The following NPBWR2 variants were observed in gnomAD, a reference collection of about 807,000 sequenced individuals.
NPBWR2 encodes the protein neuropeptides B/W receptor type 2.
For missense variants in NPBWR2, 390 were observed against 458.2 expected, an observed-to-expected ratio of 0.85 and a Z score of 1.36; for synonymous variants, 207 against 223.5, an observed-to-expected ratio of 0.93 and a Z score of 0.66.
chr20:64,106,925 A>C lies in NPBWR2; in HGVS notation c.-91-3T>G. The C allele has an allele frequency of 6.9e-7, 1 of 1,450,650 alleles. No homozygotes were observed. Among genetic ancestry groups the C allele is most frequent in the South Asian group, 1.3e-5 (1 of 74,782 alleles). 89.9% of individuals were successfully genotyped at this position (1,450,650 alleles called of 1,614,324 possible). A position where few individuals can be genotyped will look rare whatever the true frequency, so the allele number is the denominator to read the frequency against. ...TGGGGGCCTCCTTGGGCTGGATTCT[A>C]GGAAAGAAAAACAACCAGAGACTTT... On this transcript the variant is annotated splice_polypyrimidine_tract_variant and splice_region_variant and intron_variant, in intron 1 of 1. Coordinates refer to ENST00000684052, the MANE Select transcript of NPBWR2 (RefSeq NM_005286.4). The surrounding 1 kb of genome is among the most constrained non-coding windows in gnomAD (Gnocchi z 9.5).
In NPBWR2 at chr20:64,106,178, G is replaced by T; in HGVS notation, c.654C>A (p.Val218=). 6.2e-7 allele frequency: 1 copy of T among 1,612,620 alleles called. No homozygotes were observed. Among genetic ancestry groups the T allele is most frequent in the East Asian group, 2.2e-5 (1 of 44,882 alleles). ...WFKASRVYTL[V]LGFVLPVCTI... ...TGCACACGGGCAGCACGAAGCCCAG[G>T]ACCAACGTGTAGACACGGCTGGCCT... Residue 218 remains valine, a synonymous_variant, in exon 2 of 2, where the codon GTC becomes GTA. Transcript: ENST00000684052. The surrounding 1 kb of genome is among the most constrained non-coding windows in gnomAD (Gnocchi z 9.5).
At position 64,104,265 on chromosome 20, in the gene NPBWR2, A is replaced by G. The variant is rs1321748381; in HGVS notation, c.*1565T>C. 6.6e-6 allele frequency among the ~76,000 whole-genome samples: 1 copy of G among 152,154 alleles called. No homozygotes were observed. Among genetic ancestry groups the G allele is most frequent in the East Asian group, 1.9e-4 (1 of 5,198 alleles). On this transcript the variant is annotated 3_prime_UTR_variant, in exon 2 of 2. Transcript: ENST00000684052. ...TACCACCCCTCACCCTGCCCCCACC[A>G]GAGTTTCAGCATGCAGCTCCTGCTG...
In NPBWR2 at chr20:64,104,949, C is replaced by A. The variant is rs1197287835; in HGVS notation, c.*881G>T. Among the ~76,000 whole-genome samples, 1 of 151,816 alleles carries A rather than the reference C, an allele frequency of 6.6e-6. No individual in the cohort carries two copies. Among genetic ancestry groups the A allele is most frequent in the Non-Finnish European group, 1.5e-5 (1 of 67,886 alleles). ...TACAGGCCATGGCAAGGACCGTCGG[C>A]CACAGCAGGGGGAACACAGCAGCAC... is the stretch of plus-strand genomic sequence containing the variant. On this transcript the variant is annotated 3_prime_UTR_variant, in exon 2 of 2. Transcript: ENST00000684052.
Position 64,105,850 on chromosome 20 carries a change from G to A in NPBWR2, c.982C>T (p.Arg328Cys), listed in dbSNP as rs371922929. Reference sequence around the variant, plus strand: ...GCCCTTCAGCACCGCAATATGCTGCGGAAGTTCTTCCGGAAGTTGTCATCT... The same window carrying A: ...GCCCTTCAGCACCGCAATATGCTGCAGAAGTTCTTCCGGAAGTTGTCATCT... ...FLDDNFRKNFRSILRC is the reference protein window; with the variant it reads ...FLDDNFRKNFCSILRC Residue 328 changes from arginine to cysteine, a missense_variant, in exon 2 of 2, where the codon CGC (arginine) becomes TGC (cysteine). By Grantham distance (180) the Arg-to-Cys change is radical. Transcript: ENST00000684052. 3.6e-5 allele frequency: 57 copies of A among 1,605,626 alleles called. 1 individual carries two copies. The African/African-American group carries it at 3.6e-4, about 10-fold the overall frequency.
At position 64,106,763 on chromosome 20, in the gene NPBWR2, G is replaced by T. The variant is rs1467817520; in HGVS notation, c.69C>A (p.Ala23=). 1 of 1,612,740 alleles carries T rather than the reference G, an allele frequency of 6.2e-7. No homozygotes were observed. The change falls in exon 2 of 2, where the codon GCC becomes GCA. Residue 23 remains alanine, a synonymous_variant. Transcript: ENST00000684052. The surrounding 1 kb of genome is among the most constrained non-coding windows in gnomAD (Gnocchi z 9.5). Reference sequence around the variant, plus strand: ...CAGTGCCATTGTCCTGAGAGACGTTGGCACCCATCGTGGGGAGGGAGAAGG... The same window carrying T: ...CAGTGCCATTGTCCTGAGAGACGTTTGCACCCATCGTGGGGAGGGAGAAGG... The part of the protein sequence containing the change: ...RGSFSLPTMG[A]NVSQDNGTGH...
At position 64,107,524 on chromosome 20, in the gene NPBWR2, C is replaced by G. The variant is rs1980095839; in HGVS notation, c.-252G>C. Among the ~76,000 whole-genome samples the G allele has an allele frequency of 6.6e-6, 1 of 152,220 alleles. No individual in the cohort carries two copies. The highest frequency in any genetic ancestry group is 1.5e-5 in the Non-Finnish European group (1 of 68,032). ...AGACCTGCCCTGCTGGCTGCCTCAGCCCCGGCTGCGAGGTTCCCAGCCTGG... is the reference window on the plus strand; with the variant it reads ...AGACCTGCCCTGCTGGCTGCCTCAGGCCCGGCTGCGAGGTTCCCAGCCTGG... On this transcript the variant is annotated 5_prime_UTR_variant, in exon 1 of 2. Coordinates refer to ENST00000684052, the MANE Select transcript of NPBWR2 (RefSeq NM_005286.4). This position sits in a 1 kb window ranked among gnomAD's most constrained non-coding sequence, Gnocchi z 6.3.
chr20:64,106,730 A>T lies in NPBWR2; in HGVS notation c.102T>A (p.Asn34Lys). The change falls in exon 2 of 2, where the codon AAT (asparagine) becomes AAA (lysine). Residue 34 changes from asparagine to lysine, a missense_variant. By Grantham distance (94) the Asn-to-Lys change is moderately conservative. Transcript: ENST00000684052. The surrounding 1 kb of genome is among the most constrained non-coding windows in gnomAD (Gnocchi z 9.5). ...ACGGCAGTGGCTCGGAGAAGGTGGC[A>T]TTGTGGCCAGTGCCATTGTCCTGAG... ...NVSQDNGTGH[N>K]ATFSEPLPFL... is the part of the protein sequence containing the mutation. The T allele has an allele frequency of 6.2e-7, 1 of 1,612,668 alleles. No individual in the cohort carries two copies. The highest frequency in any genetic ancestry group is 1.1e-5 in the South Asian group (1 of 91,084).
At position 64,105,689 on chromosome 20, in the gene NPBWR2, GGTGGT is replaced by G. The variant is rs1979977873; in HGVS notation, c.*136_*140del. On this transcript the variant is annotated 3_prime_UTR_variant, in exon 2 of 2. Coordinates refer to ENST00000684052, the MANE Select transcript of NPBWR2 (RefSeq NM_005286.4). ...TGATGATGGGCGTGATGATGGGGGT[GGTGGT>G]GGGGGTGATGGTGGGGGTGGTGGTG... 8.0e-6 allele frequency: 3 copies of G among 374,492 alleles called. No homozygotes were observed. The highest frequency in any genetic ancestry group is 8.8e-5 in the African/African-American group (2 of 22,774). 23.2% of individuals were successfully genotyped at this position (374,492 alleles called of 1,614,324 possible).
At position 64,106,006 on chromosome 20, in the gene NPBWR2, A is replaced by G. The variant is rs1413360861; in HGVS notation, c.826T>C (p.Phe276Leu). The change falls in exon 2 of 2, where the codon TTC (phenylalanine) becomes CTC (leucine). Residue 276 changes from phenylalanine (F) to leucine (L), a missense_variant. Transcript: ENST00000684052. The surrounding 1 kb of genome is among the most constrained non-coding windows in gnomAD (Gnocchi z 9.5). ...LAVCLLCWTP[F>L]HLASVVALTT... The stretch of plus-strand genomic sequence containing the variant: ...AGGGCCACGACAGAGGCCAGGTGGA[A>G]GGGCGTCCAGCAGAGGAGGCACACG... The G allele has an allele frequency of 1.2e-6, 2 of 1,612,090 alleles. No homozygotes were observed. Among genetic ancestry groups the G allele is most frequent in the East Asian group, 2.2e-5 (1 of 44,892 alleles).
In NPBWR2 at chr20:64,104,167, A is replaced by G. The variant is rs538938785; in HGVS notation, c.*1663T>C. On this transcript the variant is annotated 3_prime_UTR_variant, in exon 2 of 2. Transcript: ENST00000684052. The stretch of plus-strand genomic sequence containing the variant: ...TGGGGCCAAGAGTCGGGGCCTGGCC[A>G]CAGCACACCTGGGACCAACCCCTGG... Among the ~76,000 whole-genome samples, 160 of 152,324 alleles carry G rather than the reference A, an allele frequency of 1.1e-3. No individual in the cohort carries two copies. The highest frequency in any genetic ancestry group is 3.7e-3 in the African/African-American group (152 of 41,566).
rs1979989331 is a variant in NPBWR2, at chr20:64,105,731, G to T, written c.*99C>A. On this transcript the variant is annotated 3_prime_UTR_variant, in exon 2 of 2. Coordinates refer to ENST00000684052, the MANE Select transcript of NPBWR2 (RefSeq NM_005286.4). ...TGGGGGTGGTGGTGGGGGTGGGGGG[G>T]GGTGGGCCTGATGGGGGTGTGGGCA... 3 of 755,908 alleles carry T rather than the reference G, an allele frequency of 4.0e-6. No individual in the cohort carries two copies. Among genetic ancestry groups the T allele is most frequent in the Non-Finnish European group, 5.8e-6 (3 of 514,426 alleles). 46.8% of individuals were successfully genotyped at this position (755,908 alleles called of 1,614,324 possible). A position where few individuals can be genotyped will look rare whatever the true frequency, so the allele number is the denominator to read the frequency against.
At position 64,105,212 on chromosome 20, in the gene NPBWR2, A is replaced by G. The variant is rs1445112267; in HGVS notation, c.*618T>C. Among the ~76,000 whole-genome samples, 1 of 151,564 alleles carries G rather than the reference A, an allele frequency of 6.6e-6. No individual in the cohort carries two copies. Among genetic ancestry groups the G allele is most frequent in the Non-Finnish European group, 1.5e-5 (1 of 67,892 alleles). On this transcript the variant is annotated 3_prime_UTR_variant, in exon 2 of 2. Transcript: ENST00000684052. ...GTTCAGGTTCCCTCCCCTCCCGACC[A>G]CTGTCATTAGGGATCCTGAGTCCCA...
rs1446150513 is a variant in NPBWR2, at chr20:64,105,418, G to A, written c.*412C>T. On this transcript the variant is annotated 3_prime_UTR_variant, in exon 2 of 2. Transcript: ENST00000684052. ...GCTGTCTGTAGGTCTGGTGGCCAGC[G>A]TGTGAGGGTCTGTGTCTCCTTGCGT... 7.0e-6 allele frequency among the ~76,000 whole-genome samples: 1 copy of A among 143,352 alleles called. No homozygotes were observed. The allele number at this position is 143,352 out of a possible 152,430, so 94.0% of individuals were successfully genotyped here.
Position 64,105,675 on chromosome 20 carries a change from G to C in NPBWR2, c.*155C>G. The C allele has an allele frequency of 3.7e-6, 1 of 270,916 alleles. No homozygotes were observed. The highest frequency in any genetic ancestry group is 6.1e-6 in the Non-Finnish European group (1 of 164,590). 16.8% of individuals were successfully genotyped at this position (270,916 alleles called of 1,614,324 possible). On this transcript the variant is annotated 3_prime_UTR_variant, in exon 2 of 2. Transcript: ENST00000684052. ...GATGGGGGTGGGCATGATGATGGGC[G>C]TGATGATGGGGGTGGTGGTGGGGGT...
rs1333654395 is a variant in NPBWR2, at chr20:64,106,290, A to C, written c.542T>G (p.Phe181Cys). 1.2e-6 allele frequency: 2 copies of C among 1,612,770 alleles called. No individual in the cohort carries two copies. The highest frequency in any genetic ancestry group is 4.5e-5 in the East Asian group (2 of 44,882). Residue 181 changes from phenylalanine (F) to cysteine (C), a missense_variant, in exon 2 of 2, where the codon TTC becomes TGC. Physicochemically the swap from Phe to Cys is radical, Grantham distance 205. Transcript: ENST00000684052. The surrounding 1 kb of genome is among the most constrained non-coding windows in gnomAD (Gnocchi z 9.5). Reference protein sequence around the residue: ...WLGVTVLVLPFFSFAGVYSNE... With the variant: ...WLGVTVLVLPCFSFAGVYSNE... Reference sequence around the variant, plus strand: ...GCTGTAGACGCCAGCGAAAGAGAAGAAGGGCAGAACCAGGACCGTGACGCC... The same window carrying C: ...GCTGTAGACGCCAGCGAAAGAGAAGCAGGGCAGAACCAGGACCGTGACGCC...
Position 64,104,190 on chromosome 20 carries a change from T to G in NPBWR2, c.*1640A>C, listed in dbSNP as rs114534585. ...CCACAGCACACCTGGGACCAACCCC[T>G]GGCCCCTCCCACCTGACAGTCAGCG... On this transcript the variant is annotated 3_prime_UTR_variant, in exon 2 of 2. Coordinates refer to ENST00000684052, the MANE Select transcript of NPBWR2 (RefSeq NM_005286.4). 6.6e-6 allele frequency among the ~76,000 whole-genome samples: 1 copy of G among 152,104 alleles called. No individual in the cohort carries two copies. Among genetic ancestry groups the G allele is most frequent in the African/African-American group, 2.4e-5 (1 of 41,422 alleles).
In NPBWR2 at chr20:64,106,879, C is replaced by T. The variant is rs761625464; in HGVS notation, c.-48G>A. ...TTGCGCCCTGGGCAGGTGGGAGGTG[C>T]CTTGGAGTTGGGTATCTGGTTGGGG... On this transcript the variant is annotated 5_prime_UTR_variant, in exon 2 of 2. Coordinates refer to ENST00000684052, the MANE Select transcript of NPBWR2 (RefSeq NM_005286.4). This position sits in a 1 kb window ranked among gnomAD's most constrained non-coding sequence, Gnocchi z 9.5. The T allele has an allele frequency of 3.8e-6, 6 of 1,578,286 alleles. No homozygotes were observed. Among genetic ancestry groups the T allele is most frequent in the East Asian group, 2.3e-5 (1 of 44,348 alleles).
Position 64,106,157 on chromosome 20 carries a change from C to T in NPBWR2, c.675G>A (p.Val225=), listed in dbSNP as rs1322087322. Residue 225 remains valine, a synonymous_variant, in exon 2 of 2, where the codon GTG becomes GTA. Coordinates refer to ENST00000684052, the MANE Select transcript of NPBWR2 (RefSeq NM_005286.4). The surrounding 1 kb of genome is among the most constrained non-coding windows in gnomAD (Gnocchi z 9.5). ...CTGTGTAGAGCACACAGATGGTGCA[C>T]ACGGGCAGCACGAAGCCCAGGACCA... ...YTLVLGFVLP[V]CTICVLYTDL... 1.2e-6 allele frequency: 2 copies of T among 1,612,468 alleles called. No homozygotes were observed.
In NPBWR2 at chr20:64,106,468, C is replaced by T. The variant is rs1980047235; in HGVS notation, c.364G>A (p.Ala122Thr). ...FGELLCKLVLAVDHYNIFSSI... is the reference protein window; with the variant it reads ...FGELLCKLVLTVDHYNIFSSI... ...GAGAAGATGTTGTAGTGGTCGACGGCCAGCACCAGCTTGCAGAGCAGCTCC... is the reference window on the plus strand; with the variant it reads ...GAGAAGATGTTGTAGTGGTCGACGGTCAGCACCAGCTTGCAGAGCAGCTCC... The change falls in exon 2 of 2, where the codon GCC becomes ACC. Residue 122 changes from alanine (A) to threonine (T), a missense_variant. Transcript: ENST00000684052. This position sits in a 1 kb window ranked among gnomAD's most constrained non-coding sequence, Gnocchi z 9.5. The T allele has an allele frequency of 6.2e-7, 1 of 1,612,626 alleles. No individual in the cohort carries two copies. Among genetic ancestry groups the T allele is most frequent in the Admixed American group, 1.7e-5 (1 of 60,002 alleles).
Sources: allele counts gnomAD v4.1 joint callset (sites outside exome capture counted in the v4.1 genomes callset), GRCh38; gene constraint gnomAD v4.1.1; non-coding constraint Gnocchi (gnomAD v3.1); transcripts MANE v1.5; gene names NCBI Gene and HGNC (gene_info 2026-07-23, HGNC 2026-07-21).